The following APBA1 variants were observed in gnomAD, a reference collection of about 807,000 sequenced individuals.
APBA1 encodes amyloid beta precursor protein binding family A member 1.
Under a neutral mutation model 86.6 loss-of-function variants are expected in APBA1, and 55 were observed. That is an observed-to-expected ratio of 0.64 (90% CI 0.51 to 0.80). The LOEUF is 0.80. Among genes scored for constraint, APBA1 ranks in the 30% least tolerant of loss-of-function variants. The pLI is 0.00. For missense variants in APBA1, 1,090 were observed against 1,183.0 expected (o/e 0.92, Z 1.15); for synonymous variants, 511 against 493.9 (o/e 1.03, Z -0.46).
chr9:69,634,508 A>G (rs12341008), intron 1 of APBA1, among the ~76,000 whole-genome samples: 3,105 of 152,282 alleles, frequency 0.02, 89 homozygotes, highest in African/African-American at 0.065. Flanking sequence ...TCTAAGAGTA[A>G]TTGGCTTAAA....
intron 1 of APBA1, among the ~76,000 whole-genome samples, chr9:69,582,572 ACT>A (rs1255073168): frequency 6.6e-6 from 1 of 151,726 alleles, no homozygotes; most frequent in Non-Finnish European, 1.5e-5. Context: ...CCTGCTTCTG[ACT>A]CTGTCAAAAT....
chr9:69,458,309 G>A, intron 5 of APBA1, 121 bp from the exon 6 acceptor site: 1 of 784,630 alleles, frequency 1.3e-6, no homozygotes, highest in Admixed American at 2.9e-5. Flanking sequence ...TTCTGTGGGA[G>A]GAGGACTGGC....
chr9:69,484,672 G>T (rs1220882110), intron 2 of APBA1, among the ~76,000 whole-genome samples: 1 of 152,070 alleles, frequency 6.6e-6, no homozygotes, highest in African/African-American at 2.4e-5. Flanking sequence ...GTAATCATCT[G>T]TTCACGTTAT....
At chr9:69,579,248 T>A (rs1460636904) in intron 1 of APBA1, among the ~76,000 whole-genome samples, 1 of 152,068 alleles carries the variant, frequency 6.6e-6, no homozygotes, top group Non-Finnish European at 1.5e-5. Context: ...CACAGCCACA[T>A]GAGGAATGCC....
At chr9:69,627,419 C>G (rs1564095946) in intron 1 of APBA1, among the ~76,000 whole-genome samples, 1 of 152,068 alleles carries the variant, frequency 6.6e-6, no homozygotes, top group Non-Finnish European at 1.5e-5. Flanking sequence ...CATGGGAAGG[C>G]AGACTTTCTA....
intron 1 of APBA1, among the ~76,000 whole-genome samples, chr9:69,590,000 G>A (rs1441363036): frequency 2.0e-5 from 3 of 152,108 alleles, no homozygotes; most frequent in Non-Finnish European, 2.9e-5. Flanking sequence ...CTCCTCCTCT[G>A]AGCTGCTCTT....
intron 1 of APBA1, among the ~76,000 whole-genome samples, chr9:69,642,193 A>G (rs1363106860): frequency 1.3e-5 from 2 of 152,258 alleles, no homozygotes; most frequent in South Asian, 2.1e-4. Flanking sequence ...GTCATTGACT[A>G]GAGATAATAT....
At chr9:69,446,563 T>G (rs1429661278) in intron 10 of APBA1, among the ~76,000 whole-genome samples, 1 of 152,252 alleles carries the variant, frequency 6.6e-6, no homozygotes, top group Non-Finnish European at 1.5e-5. Flanking sequence ...GAGCTCCGTC[T>G]GTACTCCAGC....
rs1834968932 is a variant in APBA1, at chr9:69,449,689, G to A, written c.2076C>T (p.Gly692=). 6.2e-7 allele frequency: 1 copy of A among 1,613,914 alleles called. No individual in the cohort carries two copies. The highest frequency in any genetic ancestry group is 1.3e-5 in the African/African-American group (1 of 74,868). ...TCAGCTTCCCAGATTTCTCCGCAGG[G>A]CCACCATGCATCATGTTGGCAATGA... ...TVIIANMMHG[G]PAEKSGKLNI... is the part of the protein sequence containing the mutation. The change falls in exon 10 of 13, where the codon GGC becomes GGT. Residue 692 remains glycine, a synonymous_variant. Coordinates refer to ENST00000265381, the MANE Select transcript of APBA1 (RefSeq NM_001163.4).
chr9:69,472,688 C>CTGAA (rs2133834695), intron 3 of APBA1: 1 of 152,310 alleles, frequency 6.6e-6, no homozygotes, highest in Admixed American at 6.5e-5. Context: ...ATATCTGGCA[C>CTGAA]TGAATAGCTG....
chr9:69,436,836 G>C (rs1834732309), intron 11 of APBA1, among the ~76,000 whole-genome samples: 1 of 151,912 alleles, frequency 6.6e-6, no homozygotes, highest in Non-Finnish European at 1.5e-5. Context: ...GTGAGAGAGG[G>C]CATCCCTGTC....
chr9:69,502,947 C>A (rs560912547), intron 2 of APBA1, among the ~76,000 whole-genome samples: 1 of 152,086 alleles, frequency 6.6e-6, no homozygotes, highest in Admixed American at 6.5e-5. Flanking sequence ...GTGATCTTCA[C>A]CTTAAGTAGT....
At chr9:69,563,810 T>G (rs957708295) in intron 1 of APBA1, among the ~76,000 whole-genome samples, 3 of 152,190 alleles carry the variant, frequency 2.0e-5, no homozygotes, top group Non-Finnish European at 4.4e-5. Context: ...GGTCTTTACC[T>G]TTGCCAAGAC....
intron 1 of APBA1, among the ~76,000 whole-genome samples, chr9:69,558,531 T>TAC (rs1262008518): frequency 1.8e-4 from 15 of 84,616 alleles, no homozygotes; most frequent in Non-Finnish European, 2.9e-4. Context: ...ATTATATATA[T>TAC]ATACACACAC....
intron 5 of APBA1, among the ~76,000 whole-genome samples, chr9:69,467,193 T>A (rs1312876391): frequency 5.3e-5 from 8 of 152,220 alleles, no homozygotes; most frequent in African/African-American, 1.9e-4. Flanking sequence ...TCAAACTAGT[T>A]GTGAATGACT....
At chr9:69,629,638 A>C (rs1309645507) in intron 1 of APBA1, among the ~76,000 whole-genome samples, 1 of 152,208 alleles carries the variant, frequency 6.6e-6, no homozygotes, top group Admixed American at 6.5e-5. Flanking sequence ...CCAAAGGTCT[A>C]GAGCCTGGGA....
chr9:69,574,741 A>C (rs1588372433), intron 1 of APBA1, among the ~76,000 whole-genome samples: 1 of 152,332 alleles, frequency 6.6e-6, no homozygotes, highest in Middle Eastern at 3.4e-3. Context: ...GCAGCAAAAC[A>C]AGCAAAAATA....
intron 1 of APBA1, among the ~76,000 whole-genome samples, chr9:69,594,150 CA>C (rs1822184784): frequency 6.6e-6 from 1 of 152,134 alleles, no homozygotes; most frequent in Admixed American, 6.6e-5. Context: ...CCCTTGTAAA[CA>C]GGCTCTGGGA....
At chr9:69,519,392 G>A (rs1476471318) in intron 1 of APBA1, among the ~76,000 whole-genome samples, 1 of 152,214 alleles carries the variant, frequency 6.6e-6, no homozygotes, top group African/African-American at 2.4e-5. Context: ...TTGCTGCTAC[G>A]GGCCTCCAGT....
Sources: gnomAD v4.1 joint callset for allele counts (sites outside exome capture counted in the v4.1 genomes callset) on GRCh38, gnomAD v4.1.1 for gene constraint, MANE v1.5 for transcripts, NCBI Gene and HGNC (gene_info 2026-07-23, HGNC 2026-07-21) for gene names.